BAZ2B: variants seen among roughly 807,000 people sequenced by gnomAD.
The protein encoded by BAZ2B is bromodomain adjacent to zinc finger domain protein 2B.
In BAZ2B, 91 loss-of-function variants were observed where a neutral mutation model predicts 246.0. That is an observed-to-expected ratio of 0.37 (90% CI 0.31 to 0.44). BAZ2B has a LOEUF of 0.44. Among genes scored for constraint, BAZ2B ranks in the 20% least tolerant of loss-of-function variants. The probability of loss-of-function intolerance (pLI) is 1.00; values close to 1 mark genes in which losing one functional copy is unlikely to be tolerated. For synonymous variants in BAZ2B, 855 were observed against 860.0 expected, an observed-to-expected ratio of 0.99 and a Z score of 0.10; for missense variants, 2,332 against 2,533.7, an observed-to-expected ratio of 0.92 and a Z score of 1.71.
At chr2:159,591,943 G>A (rs955210458) in intron 1 of BAZ2B, among the ~76,000 whole-genome samples, 3 of 152,034 alleles carry the variant, frequency 2.0e-5, no homozygotes, top group Non-Finnish European at 2.9e-5. Flanking sequence ...AGCAAGGCAA[G>A]ACGCTATCTC....
At chr2:159,684,862 A>G in the BAZ2B span, among the ~76,000 whole-genome samples, 3 of 152,208 alleles carry the variant, frequency 2.0e-5, no homozygotes, top group African/African-American at 7.2e-5. Flanking sequence ...CTTTTCATAT[A>G]TCATAGATCA....
chr2:159,676,647 G>GCACGCA, the BAZ2B span, among the ~76,000 whole-genome samples: 1 of 132,546 alleles, frequency 7.5e-6, no homozygotes, highest in Admixed American at 8.0e-5. Flanking sequence ...GTATCTAAAT[G>GCACGCA]CACACACACA....
intron 34 of BAZ2B, among the ~76,000 whole-genome samples, chr2:159,330,802 TA>T (rs1232581296): frequency 2.6e-5 from 4 of 151,838 alleles, no homozygotes; most frequent in Non-Finnish European, 5.9e-5. Flanking sequence ...AAGACTGCAA[TA>T]AACTGTGATA....
intron 1 of BAZ2B, among the ~76,000 whole-genome samples, chr2:159,563,131 A>C (rs776557504): frequency 7.2e-5 from 11 of 152,282 alleles, no homozygotes; most frequent in Middle Eastern, 6.8e-3. Flanking sequence ...AGTTTCAGAA[A>C]ATTTGTATTT....
At chr2:159,421,480 T>C (rs1368218145) in intron 13 of BAZ2B, among the ~76,000 whole-genome samples, 1 of 152,176 alleles carries the variant, frequency 6.6e-6, no homozygotes, top group Admixed American at 6.5e-5. Context: ...GGGCCTTTTA[T>C]CCCCGTTTCA....
intron 26 of BAZ2B, among the ~76,000 whole-genome samples, chr2:159,373,656 C>A (rs2061090361): frequency 6.6e-6 from 1 of 152,050 alleles, no homozygotes; most frequent in Non-Finnish European, 1.5e-5. Flanking sequence ...CATAGTGAGA[C>A]CCCATCTCTA....
chr2:159,426,463 T>C (rs2150114888), intron 13 of BAZ2B, among the ~76,000 whole-genome samples: 1 of 152,286 alleles, frequency 6.6e-6, no homozygotes, highest in East Asian at 1.9e-4. Flanking sequence ...ATATCGTGTA[T>C]ACAGAATGTG....
intron 2 of BAZ2B, among the ~76,000 whole-genome samples, chr2:159,539,702 C>T (rs1343475926): frequency 6.6e-6 from 1 of 152,282 alleles, no homozygotes; most frequent in East Asian, 1.9e-4. Flanking sequence ...ATACTGAGAC[C>T]CTGTCTGTAT....
At chr2:159,590,518 G>T (rs368468189) in intron 1 of BAZ2B, among the ~76,000 whole-genome samples, 3 of 152,120 alleles carry the variant, frequency 2.0e-5, no homozygotes, top group South Asian at 2.1e-4. Flanking sequence ...TTGAACCCGG[G>T]GGGGTGGAGG....
Position 159,369,358 on chromosome 2 carries a change from T to C in BAZ2B, c.4213+3687A>G, listed in dbSNP as rs929703542. The stretch of plus-strand genomic sequence containing the variant: ...GCATAAAGACAGCTTGGGGTCAGAA[T>C]TGTATACAGTCTTGAATGCCAGGCT... On this transcript the variant is annotated intron_variant, in intron 27 of 36. Transcript: ENST00000392783. Among the ~76,000 whole-genome samples the C allele has an allele frequency of 3.3e-5, 5 of 152,206 alleles. No homozygotes were observed. The East Asian group carries it at 5.8e-4, about 18-fold the overall frequency.
intron 30 of BAZ2B, 34 bp from the exon 31 acceptor site, chr2:159,347,680 C>T (rs769768514): frequency 1.3e-6 from 2 of 1,517,770 alleles, no homozygotes; most frequent in South Asian, 1.2e-5. Context: ...TAAAAATCCA[C>T]TTATTAAGCT....
At chr2:159,653,701 T>A in the BAZ2B span, among the ~76,000 whole-genome samples, 40 of 152,236 alleles carry the variant, frequency 2.6e-4, 1 homozygote, top group African/African-American at 8.9e-4. Context: ...ATTATTGACA[T>A]GGTTGTCACT....
intron 2 of BAZ2B, among the ~76,000 whole-genome samples, chr2:159,509,176 T>G (rs2082649869): frequency 6.6e-6 from 1 of 152,140 alleles, no homozygotes; most frequent in African/African-American, 2.4e-5. Context: ...GAAAATAAAT[T>G]GACTAAAAAG....
At chr2:159,417,163 G>T (rs995673519) in intron 13 of BAZ2B, among the ~76,000 whole-genome samples, 24 of 141,870 alleles carry the variant, frequency 1.7e-4, no homozygotes, top group Non-Finnish European at 2.8e-4. Flanking sequence ...AAAAGATTAG[G>T]TTTTTTTTTT....
intron 14 of BAZ2B, among the ~76,000 whole-genome samples, chr2:159,405,956 A>T (rs1259793763): frequency 1.3e-5 from 2 of 152,218 alleles, no homozygotes; most frequent in Admixed American, 1.3e-4. Flanking sequence ...TCTCCTAAAT[A>T]AAAAGAAAGC....
At chr2:159,380,345 C>G (rs562759030) in intron 25 of BAZ2B, among the ~76,000 whole-genome samples, 17 of 152,288 alleles carry the variant, frequency 1.1e-4, no homozygotes, top group African/African-American at 3.8e-4. Context: ...GGTAGGTGTG[C>G]TCATCCCTCT....
At chr2:159,605,624 G>A (rs1693309709) in intron 1 of BAZ2B, among the ~76,000 whole-genome samples, 1 of 152,042 alleles carries the variant, frequency 6.6e-6, no homozygotes, top group South Asian at 2.1e-4. Context: ...GGGCCCAGTG[G>A]TGCATGCCTG....
At chr2:159,507,091 A>G (rs2082408493) in intron 2 of BAZ2B, among the ~76,000 whole-genome samples, 1 of 152,194 alleles carries the variant, frequency 6.6e-6, no homozygotes, top group Non-Finnish European at 1.5e-5. Flanking sequence ...TTTTAGATTC[A>G]TGGGGCCCCA....
At chr2:159,541,521 T>C (rs139704756) in intron 2 of BAZ2B, among the ~76,000 whole-genome samples, 4,697 of 152,114 alleles carry the variant, frequency 0.031, 243 homozygotes, top group African/African-American at 0.11. Flanking sequence ...TCAGGCGATC[T>C]GCCCACCTCA....
Sources: allele counts gnomAD v4.1 joint callset (sites outside exome capture counted in the v4.1 genomes callset), GRCh38; gene constraint gnomAD v4.1.1; transcripts MANE v1.5; gene names NCBI Gene and HGNC (gene_info 2026-07-23, HGNC 2026-07-21).